The following DOT1L variants were observed in gnomAD, a reference collection of about 807,000 sequenced individuals.
DOT1L encodes DOT1 like histone lysine methyltransferase, also known as histone-lysine N-methyltransferase, H3 lysine-79 specific.
Under a neutral mutation model 153.3 loss-of-function variants are expected in DOT1L, and 33 were observed. The observed-to-expected ratio is 0.22, with a 90% confidence interval of 0.16 to 0.29. The LOEUF (loss-of-function observed/expected upper bound fraction) is 0.29, where lower values mean the gene tolerates loss of function less well. DOT1L is among the 10% of genes least tolerant of loss of function. The pLI is 1.00. For synonymous variants in DOT1L, 1,135 were observed against 965.1 expected (o/e 1.18, Z -3.26); for missense variants, 1,847 against 2,119.9 (o/e 0.87, Z 2.53).
At chr19:2,214,990 C>T (rs983086291) in intron 19 of DOT1L, among the ~76,000 whole-genome samples, 1 of 152,060 alleles carries the variant, frequency 6.6e-6, no homozygotes, top group Non-Finnish European at 1.5e-5. Context: ...CTGAGGCGGG[C>T]AGATCACCTG....
intron 22 of DOT1L, 140 bp from the exon 23 acceptor site, chr19:2,219,968 C>G: frequency 4.3e-6 from 3 of 702,958 alleles, no homozygotes; most frequent in South Asian, 1.9e-5. Flanking sequence ...CCCCGCTGCC[C>G]TCTTCCCACG....
Position 2,230,581 on chromosome 19 carries a change from G to C in DOT1L, c.*789G>C, listed in dbSNP as rs138828181. 1.0e-5 allele frequency: 4 copies of C among 398,586 alleles called. No homozygotes were observed. Among genetic ancestry groups the C allele is most frequent in the Non-Finnish European group, 1.8e-5 (4 of 226,106 alleles). The allele number at this position is 398,586 out of a possible 1,614,324, so 24.7% of individuals were successfully genotyped here. On this transcript the variant is annotated 3_prime_UTR_variant, in exon 28 of 28. Transcript: ENST00000398665. Reference sequence around the variant, plus strand: ...TGGCTCGCAGCATGCCCTGCGATGCGGGGCAGGCCTGTCGTGGGTCCCTTG... The same window carrying C: ...TGGCTCGCAGCATGCCCTGCGATGCCGGGCAGGCCTGTCGTGGGTCCCTTG...
At chr19:2,228,614 G>C in intron 27 of DOT1L, 2 of 985,380 alleles carry the variant, frequency 2.0e-6, no homozygotes, top group Non-Finnish European at 2.4e-6. Flanking sequence ...GGGTTCCTGC[G>C]GTGACGCCGC....
chr19:2,207,488 C>T lies in DOT1L; in HGVS notation c.857-86C>T, dbSNP rs1229263841. 8.6e-7 allele frequency: 1 copy of T among 1,156,794 alleles called. No individual in the cohort carries two copies. The highest frequency in any genetic ancestry group is 1.4e-5 in the South Asian group (1 of 71,734). The allele number at this position is 1,156,794 out of a possible 1,614,324, so 71.7% of individuals were successfully genotyped here. On this transcript the variant is annotated intron_variant, in intron 10 of 27. Transcript: ENST00000398665. The surrounding 1 kb of genome is among the most constrained non-coding windows in gnomAD (Gnocchi z 4.5). ...GAAGACGCGCAGCTCAGGCTTCTGTCCCCACGCCTGCCCTGGGGTGGGTGA... is the reference window on the plus strand; with the variant it reads ...GAAGACGCGCAGCTCAGGCTTCTGTTCCCACGCCTGCCCTGGGGTGGGTGA...
At chr19:2,186,534 G>C (rs546105666) in intron 3 of DOT1L, among the ~76,000 whole-genome samples, 2 of 152,336 alleles carry the variant, frequency 1.3e-5, no homozygotes, top group East Asian at 1.9e-4. Flanking sequence ...TCCATCAAGG[G>C]CTGTGCTGTC....
At chr19:2,229,377 C>T (rs1309710774) in intron 27 of DOT1L, 13 of 985,350 alleles carry the variant, frequency 1.3e-5, no homozygotes, top group South Asian at 4.7e-5. Context: ...CCAAAGCCCA[C>T]CGGGCAAGGA....
In DOT1L at chr19:2,226,434, G is replaced by A. The variant is rs376030977; in HGVS notation, c.3913G>A (p.Gly1305Arg). 1.0e-5 allele frequency: 16 copies of A among 1,601,066 alleles called. No homozygotes were observed. Among genetic ancestry groups the A allele is most frequent in the South Asian group, 5.5e-5 (5 of 90,646 alleles). Residue 1305 changes from glycine to arginine, a missense_variant, in exon 27 of 28, where the codon GGA becomes AGA. Gly to Arg is a moderately radical substitution (Grantham distance 125, BLOSUM62 -2). Around this residue, in one of 8 missense-constraint regions of DOT1L, gnomAD observed 934 missense variants for 825.3 expected, o/e 1.13. Transcript: ENST00000398665. ...GFPGSLSGAD[G>R]LSPGTNPANG... ...TCCCGGCTCCCTGTCGGGGGCTGAC[G>A]GACTCAGCCCGGGCACCAACCCTGC...
rs943143925 is a variant in DOT1L, at chr19:2,226,062, A to G, written c.3662-121A>G. On this transcript the variant is annotated intron_variant, in intron 26 of 27. Transcript: ENST00000398665. The stretch of plus-strand genomic sequence containing the variant: ...CCATCCTGTCCCGCTTGGCATCTTG[A>G]GTGTCTGTGACCAGCCCTGCCTGCA... 7 of 1,101,142 alleles carry G rather than the reference A, an allele frequency of 6.4e-6. No homozygotes were observed. The South Asian group carries it at 1.1e-4, about 17-fold the overall frequency. The allele number at this position is 1,101,142 out of a possible 1,614,324, so 68.2% of individuals were successfully genotyped here. A position where few individuals can be genotyped will look rare whatever the true frequency, so the allele number is the denominator to read the frequency against.
At chr19:2,227,922 C>T (rs748716523) in intron 27 of DOT1L, 2 of 1,200,336 alleles carry the variant, frequency 1.7e-6, no homozygotes, top group South Asian at 2.9e-5. Context: ...GCCTCCGCCT[C>T]CGCCTCCCCC....
chr19:2,226,347 C>G lies in DOT1L; in HGVS notation c.3826C>G (p.Arg1276Gly), dbSNP rs759369415. 2 of 1,592,886 alleles carry G rather than the reference C, an allele frequency of 1.3e-6. No individual in the cohort carries two copies. Among genetic ancestry groups the G allele is most frequent in the South Asian group, 2.3e-5 (2 of 88,570 alleles). Reference sequence around the variant, plus strand: ...CAGCCAGAACTCCCTGTTCACGTTCCGGCCCGCCCTGGAGGAGCCCTCTGC... The same window carrying G: ...CAGCCAGAACTCCCTGTTCACGTTCGGGCCCGCCCTGGAGGAGCCCTCTGC... Reference protein sequence around the residue: ...ALSQNSLFTFRPALEEPSADA... With the variant: ...ALSQNSLFTFGPALEEPSADA... The change falls in exon 27 of 28, where the codon CGG becomes GGG. Residue 1276 changes from arginine (R) to glycine (G), a missense_variant. By Grantham distance (125) the Arg-to-Gly change is moderately radical (BLOSUM62 -2). Coordinates refer to ENST00000398665, the MANE Select transcript of DOT1L (RefSeq NM_032482.3).
chr19:2,195,603 C>T (rs1262885321), intron 7 of DOT1L, among the ~76,000 whole-genome samples: 1 of 151,958 alleles, frequency 6.6e-6, no homozygotes, highest in Non-Finnish European at 1.5e-5. Flanking sequence ...GCCCGCAGCC[C>T]CTCGAGCCTC....
At chr19:2,199,993 C>G in intron 8 of DOT1L, 54 bp downstream of exon 8, 1 of 1,597,682 alleles carries the variant, frequency 6.3e-7, no homozygotes, top group East Asian at 2.3e-5. Context: ...CACAGGCGGG[C>G]GGTGGCCATG....
chr19:2,207,479 G>A lies in DOT1L; in HGVS notation c.857-95G>A. 9.5e-7 allele frequency: 1 copy of A among 1,057,916 alleles called. No individual in the cohort carries two copies. Among genetic ancestry groups the A allele is most frequent in the Non-Finnish European group, 1.4e-6 (1 of 727,744 alleles). The allele number at this position is 1,057,916 out of a possible 1,614,324, so 65.5% of individuals were successfully genotyped here. Reference sequence around the variant, plus strand: ...GAGAAGAGGGAAGACGCGCAGCTCAGGCTTCTGTCCCCACGCCTGCCCTGG... The same window carrying A: ...GAGAAGAGGGAAGACGCGCAGCTCAAGCTTCTGTCCCCACGCCTGCCCTGG... On this transcript the variant is annotated intron_variant, in intron 10 of 27. Coordinates refer to ENST00000398665, the MANE Select transcript of DOT1L (RefSeq NM_032482.3). This position sits in a 1 kb window ranked among gnomAD's most constrained non-coding sequence, Gnocchi z 4.5.
In DOT1L at chr19:2,217,640, A is replaced by T; in HGVS notation, c.2545-132A>T. 1.5e-6 allele frequency: 2 copies of T among 1,314,118 alleles called. No individual in the cohort carries two copies. The highest frequency in any genetic ancestry group is 2.1e-6 in the Non-Finnish European group (2 of 967,150). The allele number at this position is 1,314,118 out of a possible 1,614,324, so 81.4% of individuals were successfully genotyped here. The stretch of plus-strand genomic sequence containing the variant: ...TCCAGGAGGGCCTGACTGCGTGGGG[A>T]AGGTTGCAGGGCCTTGGCAGCGTGG... On this transcript the variant is annotated intron_variant, in intron 21 of 27. Transcript: ENST00000398665. This position sits in a 1 kb window ranked among gnomAD's most constrained non-coding sequence, Gnocchi z 7.3.
intron 1 of DOT1L, among the ~76,000 whole-genome samples, chr19:2,170,436 C>T (rs1302949764): frequency 2.0e-5 from 3 of 152,154 alleles, no homozygotes; most frequent in Admixed American, 6.5e-5. Context: ...GGACCCAACA[C>T]GGTTCCTCCT....
intron 18 of DOT1L, 60 bp downstream of exon 18, chr19:2,214,046 G>T (rs2023813461): frequency 5.1e-6 from 8 of 1,562,476 alleles, no homozygotes; most frequent in Non-Finnish European, 6.1e-6. Context: ...CTGGGCGGGT[G>T]TGTCCTCTGT....
chr19:2,194,086 C>G (rs568536508), intron 6 of DOT1L, among the ~76,000 whole-genome samples: 1 of 152,220 alleles, frequency 6.6e-6, no homozygotes, highest in South Asian at 2.1e-4. Flanking sequence ...TGGCACAGCC[C>G]TCCGAGAAGC....
In DOT1L at chr19:2,216,499, C is replaced by A; in HGVS notation, c.2142C>A (p.Asn714Lys). 6.2e-7 allele frequency: 1 copy of A among 1,612,602 alleles called. No homozygotes were observed. Among genetic ancestry groups the A allele is most frequent in the Non-Finnish European group, 8.5e-7 (1 of 1,179,966 alleles). ...GCATGAGCCCGGAGCTCTCCATGAA[C>A]GGCCAGGCTGCTGGCTATGAGCTCT... ...LSSMSPELSM[N>K]GQAAGYELCG... The change falls in exon 20 of 28, where the codon AAC (asparagine) becomes AAA (lysine). Residue 714 changes from asparagine (N) to lysine (K), a missense_variant. Transcript: ENST00000398665.
intron 6 of DOT1L, among the ~76,000 whole-genome samples, 199 bp from the exon 7 acceptor site, chr19:2,194,316 G>GC (rs1430112512): frequency 1.3e-5 from 2 of 151,892 alleles, no homozygotes; most frequent in African/African-American, 2.4e-5. Flanking sequence ...GACTACAGGC[G>GC]CCCCCCAACA....
Sources: gnomAD v4.1 joint callset for allele counts (sites outside exome capture counted in the v4.1 genomes callset) on GRCh38, gnomAD v4.1.1 for gene constraint, gnomAD v4.1.1 regional missense constraint, Gnocchi (gnomAD v3.1) non-coding constraint, MANE v1.5 for transcripts, NCBI Gene and HGNC (gene_info 2026-07-23, HGNC 2026-07-21) for gene names.